TTC28: variants seen among roughly 807,000 people sequenced by gnomAD.
The protein encoded by TTC28 is tetratricopeptide repeat protein 28.
A neutral mutation model predicts 198.0 loss-of-function variants in TTC28; 61 were observed. The observed-to-expected ratio is 0.31, with a 90% CI of 0.25 to 0.38. The LOEUF (loss-of-function observed/expected upper bound fraction) is 0.38. Among genes scored for constraint, TTC28 ranks in the 10% least tolerant of loss-of-function variants. TTC28 has a pLI of 1.00. For synonymous variants in TTC28, 1,171 were observed against 1,297.8 expected (o/e 0.90, Z 2.10); for missense variants, 2,678 against 3,164.0 (o/e 0.85, Z 3.69).
intron 2 of TTC28, among the ~76,000 whole-genome samples, chr22:28,317,737 CT>C (rs2045374961): frequency 1.3e-5 from 2 of 152,158 alleles, no homozygotes; most frequent in Non-Finnish European, 2.9e-5. Context: ...TTTAGTTTCC[CT>C]GTGTTGCCAT....
chr22:28,339,428 G>A (rs2045790838), intron 2 of TTC28, among the ~76,000 whole-genome samples: 1 of 152,126 alleles, frequency 6.6e-6, no homozygotes, highest in Non-Finnish European at 1.5e-5. Context: ...TGTCAGACAG[G>A]GACATTTAAG....
chr22:28,186,338 G>A (rs779574312), intron 5 of TTC28, among the ~76,000 whole-genome samples: 22 of 152,248 alleles, frequency 1.4e-4, no homozygotes, highest in South Asian at 4.1e-4. Context: ...GCAAAGATAC[G>A]GAATGAAAAG....
intron 2 of TTC28, among the ~76,000 whole-genome samples, chr22:28,367,947 G>A (rs1013406714): frequency 2.0e-5 from 3 of 151,920 alleles, no homozygotes; most frequent in East Asian, 1.9e-4. Context: ...AGAAAGGCCC[G>A]AGACTCGATG....
At chr22:28,249,749 A>C (rs1050181718) in intron 5 of TTC28, among the ~76,000 whole-genome samples, 4 of 152,234 alleles carry the variant, frequency 2.6e-5, no homozygotes, top group Non-Finnish European at 5.9e-5. Flanking sequence ...CCTTAATGGC[A>C]AACATATTGT....
In TTC28 at chr22:28,111,016, G is replaced by C. The variant is rs1942466269; in HGVS notation, c.1442-2613C>G. On this transcript the variant is annotated intron_variant, in intron 6 of 22. Coordinates refer to ENST00000397906, the MANE Select transcript of TTC28 (RefSeq NM_001145418.2). ...TAAGGGGATATATGATCCCAAAACA[G>C]TACATTTTAATGCATACTTTAGTAG... 2.0e-5 allele frequency among the ~76,000 whole-genome samples: 3 copies of C among 151,476 alleles called. No individual in the cohort carries two copies. The South Asian group carries it at 6.3e-4, about 32-fold the overall frequency.
intron 5 of TTC28, among the ~76,000 whole-genome samples, chr22:28,234,729 G>A (rs144015960): frequency 7.9e-5 from 12 of 152,272 alleles, no homozygotes; most frequent in African/African-American, 2.9e-4. Context: ...ATCCCTTGGA[G>A]TGTTTATCTA....
At chr22:28,281,489 A>T (rs750768230) in intron 5 of TTC28, among the ~76,000 whole-genome samples, 3 of 152,234 alleles carry the variant, frequency 2.0e-5, no homozygotes, top group Middle Eastern at 6.8e-3. Context: ...TTATAAGCAT[A>T]TTTTACTTTA....
At chr22:28,533,615 C>A (rs1472471702) in intron 2 of TTC28, among the ~76,000 whole-genome samples, 1 of 152,064 alleles carries the variant, frequency 6.6e-6, no homozygotes, top group Non-Finnish European at 1.5e-5. Context: ...AATCCTAAGC[C>A]AAAAGAATAA....
chr22:28,302,717 C>G (rs1367127306), intron 3 of TTC28, among the ~76,000 whole-genome samples: 1 of 152,044 alleles, frequency 6.6e-6, no homozygotes, highest in Non-Finnish European at 1.5e-5. Context: ...GTCTGTCACC[C>G]GGGCTGGTGT....
chr22:28,458,753 C>G (rs933931048), intron 2 of TTC28, among the ~76,000 whole-genome samples: 1 of 151,568 alleles, frequency 6.6e-6, no homozygotes, highest in Non-Finnish European at 1.5e-5. Context: ...TGGTGGCGGG[C>G]GCCTGTAGTC....
intron 2 of TTC28, among the ~76,000 whole-genome samples, chr22:28,554,653 T>C (rs1040342939): frequency 1.3e-5 from 2 of 152,028 alleles, no homozygotes; most frequent in Admixed American, 1.3e-4. Flanking sequence ...AGCAGATCAC[T>C]TGAGGTCAGG....
chr22:28,312,490 A>T (rs1023810768), intron 2 of TTC28, among the ~76,000 whole-genome samples: 1 of 152,188 alleles, frequency 6.6e-6, no homozygotes, highest in African/African-American at 2.4e-5. Context: ...ATATAAAAGA[A>T]CAGAAATCAC....
chr22:28,027,467 C>T (rs1051308993), intron 13 of TTC28, among the ~76,000 whole-genome samples: 4 of 152,232 alleles, frequency 2.6e-5, no homozygotes, highest in Admixed American at 2.6e-4. Context: ...CCAAGTCTCA[C>T]TTGACTCGCA....
At position 28,424,414 on chromosome 22, in the gene TTC28, AT is replaced by A. The variant is rs1454281028; in HGVS notation, c.382-117772del. Among the ~76,000 whole-genome samples, 5 of 152,214 alleles carry A rather than the reference AT, an allele frequency of 3.3e-5. No individual in the cohort carries two copies. In the East Asian group the frequency reaches 9.7e-4, roughly 29 times the overall value. On this transcript the variant is annotated intron_variant, in intron 2 of 22. Coordinates refer to ENST00000397906, the MANE Select transcript of TTC28 (RefSeq NM_001145418.2). ...AGGTTCTTTTCTCAGTGTTCTCAAGATTTTTACTACATACTTCTATTAGAAT... is the reference window on the plus strand; with the variant it reads ...AGGTTCTTTTCTCAGTGTTCTCAAGATTTTACTACATACTTCTATTAGAAT...
At chr22:28,299,497 G>A (rs576282522) in intron 3 of TTC28, among the ~76,000 whole-genome samples, 12 of 152,216 alleles carry the variant, frequency 7.9e-5, no homozygotes, top group Middle Eastern at 3.4e-3. Context: ...GATTCAAGCC[G>A]TGCAGAGTGC....
chr22:28,081,546 G>A (rs1308867147), intron 12 of TTC28, among the ~76,000 whole-genome samples: 1 of 149,634 alleles, frequency 6.7e-6, no homozygotes, highest in Non-Finnish European at 1.5e-5. Flanking sequence ...AGGCTGGAGT[G>A]CAGTGACGCG....
chr22:28,476,642 T>C (rs895421770), intron 2 of TTC28, among the ~76,000 whole-genome samples: 7 of 152,238 alleles, frequency 4.6e-5, no homozygotes, highest in African/African-American at 1.4e-4. Context: ...TAGGTGGATA[T>C]AGTATCTCAC....
intron 5 of TTC28, among the ~76,000 whole-genome samples, chr22:28,260,568 T>C (rs1185348348): frequency 2.0e-5 from 3 of 152,134 alleles, no homozygotes; most frequent in Non-Finnish European, 2.9e-5. Context: ...ATTTTTAACA[T>C]GATAGATTCA....
At chr22:28,271,033 A>G (rs1328116353) in intron 5 of TTC28, among the ~76,000 whole-genome samples, 1 of 152,182 alleles carries the variant, frequency 6.6e-6, no homozygotes, top group African/African-American at 2.4e-5. Context: ...TATCAATTTG[A>G]CTGATAAGAT....
Sources: allele counts gnomAD v4.1 joint callset (sites outside exome capture counted in the v4.1 genomes callset), GRCh38; gene constraint gnomAD v4.1.1; transcripts MANE v1.5; gene names NCBI Gene and HGNC (gene_info 2026-07-23, HGNC 2026-07-21).